The following RARB variants were observed in gnomAD, a reference collection of about 807,000 sequenced individuals.
RARB encodes retinoic acid receptor beta.
RARB carries 17 observed loss-of-function variants against 51.9 expected under a neutral mutation model. The observed-to-expected ratio is 0.33, with a 90% CI of 0.22 to 0.49. The LOEUF is 0.49. RARB is among the 20% of genes least tolerant of loss of function. The pLI, the probability that RARB is intolerant of heterozygous loss-of-function variation, is 0.99. For synonymous variants in RARB, 215 were observed against 195.4 expected (o/e 1.10, Z -0.84); for missense variants, 369 against 550.8 (o/e 0.67, Z 3.30).
intron 5 of RARB, among the ~76,000 whole-genome samples, chr3:25,361,916 G>A (rs1343159173): frequency 4.6e-5 from 7 of 152,144 alleles, no homozygotes; most frequent in African/African-American, 7.2e-5. Flanking sequence ...GGTATCTGTC[G>A]ACCCCTGCTG....
intron 2 of RARB, chr3:25,020,275 G>C (rs1697605476): frequency 6.6e-6 from 1 of 151,842 alleles, no homozygotes; most frequent in Admixed American, 6.6e-5. Context: ...TTCTGACCTG[G>C]GACAGTTCAA....
intron 1 of RARB, among the ~76,000 whole-genome samples, chr3:24,847,074 G>A (rs1278554505): frequency 6.6e-6 from 1 of 152,160 alleles, no homozygotes; most frequent in African/African-American, 2.4e-5. Flanking sequence ...GTCTGGGATG[G>A]TGCCTGAGCT....
intron 5 of RARB, among the ~76,000 whole-genome samples, chr3:25,279,254 A>AC (rs1429311683): frequency 6.6e-6 from 1 of 152,046 alleles, no homozygotes; most frequent in Non-Finnish European, 1.5e-5. Context: ...ACTTCCTTCT[A>AC]CTCACCACAC....
At chr3:24,840,770 C>T (rs984259004) in intron 1 of RARB, among the ~76,000 whole-genome samples, 19 of 124,728 alleles carry the variant, frequency 1.5e-4, no homozygotes, top group Non-Finnish European at 2.7e-4. Context: ...AAAAAAAATG[C>T]AAAGATGACT....
At chr3:25,181,805 T>C (rs757756577) in intron 5 of RARB, among the ~76,000 whole-genome samples, 1 of 152,164 alleles carries the variant, frequency 6.6e-6, no homozygotes, top group Non-Finnish European at 1.5e-5. Context: ...TGGGAACTCT[T>C]CTGAGAGTCA....
At chr3:24,982,239 C>G (rs1408225115) in intron 2 of RARB, among the ~76,000 whole-genome samples, 1 of 152,222 alleles carries the variant, frequency 6.6e-6, no homozygotes, top group Non-Finnish European at 1.5e-5. Flanking sequence ...GGTTCTGCAA[C>G]TCTCTGAGAC....
rs115613065 is a variant in RARB at position 25,328,559 on chromosome 3, G to T, written c.179-132634G>T. 2.0e-5 allele frequency among the ~76,000 whole-genome samples: 3 copies of T among 152,044 alleles called. No individual in the cohort carries two copies. In the South Asian group the frequency reaches 6.2e-4, roughly 32 times the overall value. On this transcript the variant is annotated intron_variant, in intron 5 of 11. Transcript: ENST00000383772. ...AATAAATAAGTGAAATAAGGGGGAGGTTCCAAGATGGCCGAATAGGAAGAG... is the reference window on the plus strand; with the variant it reads ...AATAAATAAGTGAAATAAGGGGGAGTTTCCAAGATGGCCGAATAGGAAGAG...
chr3:25,482,186 C>T (rs1431709829), intron 2 of RARB, among the ~76,000 whole-genome samples: 1 of 152,148 alleles, frequency 6.6e-6, no homozygotes, highest in Non-Finnish European at 1.5e-5. Context: ...TGGAAACAGT[C>T]ATTTCCACTT....
At chr3:25,421,247 C>A (rs949835274) in intron 5 of RARB, among the ~76,000 whole-genome samples, 2 of 151,914 alleles carry the variant, frequency 1.3e-5, no homozygotes, top group African/African-American at 2.4e-5. Context: ...CAGCCCCTAC[C>A]CCCTCCACCT....
At chr3:25,308,634 G>A (rs1002700753) in intron 5 of RARB, among the ~76,000 whole-genome samples, 4 of 151,664 alleles carry the variant, frequency 2.6e-5, no homozygotes, top group African/African-American at 9.7e-5. Flanking sequence ...TTTTTAGTAG[G>A]ACAGGGTTTC....
intron 4 of RARB, among the ~76,000 whole-genome samples, chr3:25,165,628 TTTCTCAAAA>T (rs1202124669): frequency 7.2e-5 from 11 of 152,280 alleles, no homozygotes; most frequent in African/African-American, 2.6e-4. Context: ...TACCACCGCT[TTTCTCAAAA>T]ACAAGCAATG....
intron 5 of RARB, among the ~76,000 whole-genome samples, chr3:25,278,458 G>A (rs1023582972): frequency 6.6e-6 from 1 of 152,112 alleles, no homozygotes; most frequent in African/African-American, 2.4e-5. Flanking sequence ...AGAACATGTG[G>A]TCTATAACAG....
intron 2 of RARB, among the ~76,000 whole-genome samples, chr3:24,949,294 C>A (rs1695838990): frequency 2.6e-5 from 4 of 152,154 alleles, no homozygotes. Flanking sequence ...CTTTCCTGGT[C>A]AGAGCTGATG....
chr3:25,499,602 T>C (rs1697193487), intron 2 of RARB, among the ~76,000 whole-genome samples: 1 of 152,214 alleles, frequency 6.6e-6, no homozygotes, highest in Non-Finnish European at 1.5e-5. Context: ...GATAAATTGC[T>C]TCTTTTGTCA....
chr3:25,055,892 T>G (rs1275874745), intron 2 of RARB, among the ~76,000 whole-genome samples: 1 of 152,044 alleles, frequency 6.6e-6, no homozygotes, highest in East Asian at 1.9e-4. Context: ...AGCTGCCATG[T>G]TCTAAGATGG....
chr3:25,405,947 C>T (rs1370199362), intron 5 of RARB, among the ~76,000 whole-genome samples: 1 of 100,144 alleles, frequency 1.0e-5, no homozygotes. Flanking sequence ...GCCAAGGGCA[C>T]TGTTGACACA....
intron 2 of RARB, among the ~76,000 whole-genome samples, chr3:25,027,554 T>C (rs765497351): frequency 3.9e-5 from 6 of 152,180 alleles, no homozygotes; most frequent in African/African-American, 9.7e-5. Context: ...ACAGCCATAA[T>C]TGAGGTGAGT....
At chr3:25,041,897 A>C (rs1245001663) in intron 2 of RARB, among the ~76,000 whole-genome samples, 1 of 152,226 alleles carries the variant, frequency 6.6e-6, no homozygotes, top group Non-Finnish European at 1.5e-5. Flanking sequence ...TCCATGGAAC[A>C]TGAGAATGTA....
intron 3 of RARB, among the ~76,000 whole-genome samples, chr3:25,100,771 A>G (rs1254370149): frequency 2.6e-5 from 4 of 152,204 alleles, no homozygotes; most frequent in African/African-American, 7.2e-5. Flanking sequence ...CCACTCGGTC[A>G]CGTGTCAAAA....
Sources: allele counts gnomAD v4.1 joint callset (sites outside exome capture counted in the v4.1 genomes callset), GRCh38; gene constraint gnomAD v4.1.1; transcripts MANE v1.5; gene names NCBI Gene and HGNC (gene_info 2026-07-23, HGNC 2026-07-21).